DLG2: variants seen among roughly 807,000 people sequenced by gnomAD.
The protein encoded by DLG2 is discs large MAGUK scaffold protein 2, also known as disks large homolog 2.
Under a neutral mutation model 132.5 loss-of-function variants are expected in DLG2, and 45 were observed. The ratio of observed to expected loss-of-function variants is 0.34; its 90% CI spans 0.27 to 0.44. The LOEUF is 0.44. DLG2 is among the 20% of genes least tolerant of loss of function. The probability of loss-of-function intolerance (pLI) is 1.00; values close to 1 mark genes in which losing one functional copy is unlikely to be tolerated. For missense variants in DLG2, 1,045 were observed against 1,196.9 expected, an observed-to-expected ratio of 0.87 and a Z score of 1.87; for synonymous variants, 424 against 419.6, an observed-to-expected ratio of 1.01 and a Z score of -0.13.
chr11:84,731,400 G>T (rs906804624), intron 6 of DLG2, among the ~76,000 whole-genome samples: 1 of 151,962 alleles, frequency 6.6e-6, no homozygotes, highest in African/African-American at 2.4e-5. Flanking sequence ...TAAGTGCTTC[G>T]AGGAGAGCTA....
chr11:83,600,000 G>T (rs1429315905), intron 19 of DLG2, among the ~76,000 whole-genome samples: 3 of 152,124 alleles, frequency 2.0e-5, no homozygotes, highest in African/African-American at 7.2e-5. Flanking sequence ...TAGATAAATT[G>T]CCTACAGATA....
chr11:85,131,922 A>C (rs1381581253), intron 5 of DLG2, among the ~76,000 whole-genome samples: 1 of 152,144 alleles, frequency 6.6e-6, no homozygotes, highest in African/African-American at 2.4e-5. Flanking sequence ...GATATGGTTC[A>C]AATTAACTCA....
intron 21 of DLG2, among the ~76,000 whole-genome samples, chr11:83,513,339 T>A (rs1267402810): frequency 6.6e-6 from 1 of 152,220 alleles, no homozygotes; most frequent in Admixed American, 6.5e-5. Flanking sequence ...TTGAGAAGTG[T>A]CTGTTCATAT....
intron 3 of DLG2, among the ~76,000 whole-genome samples, chr11:85,510,642 C>A (rs1254175866): frequency 1.3e-5 from 2 of 152,146 alleles, no homozygotes; most frequent in African/African-American, 4.8e-5. Flanking sequence ...CACTGGCCAT[C>A]AGAGAAATGC....
chr11:85,473,472 C>T (rs2093048150), intron 3 of DLG2, among the ~76,000 whole-genome samples: 1 of 152,094 alleles, frequency 6.6e-6, no homozygotes, highest in Admixed American at 6.5e-5. Flanking sequence ...TTTAAAAGAA[C>T]TATATTTTTT....
intron 3 of DLG2, among the ~76,000 whole-genome samples, chr11:85,355,854 T>C (rs1032463413): frequency 2.0e-5 from 3 of 152,106 alleles, no homozygotes; most frequent in African/African-American, 7.2e-5. Flanking sequence ...CACCCTTGGG[T>C]TTCCTCTAAA....
chr11:84,568,246 C>T (rs1187521255), intron 6 of DLG2, among the ~76,000 whole-genome samples: 8 of 152,170 alleles, frequency 5.3e-5, no homozygotes, highest in South Asian at 2.1e-4. Context: ...CGTTGGCTCA[C>T]GCCTGTAATC....
At chr11:85,543,072 G>T (rs1195957965) in intron 3 of DLG2, among the ~76,000 whole-genome samples, 9 of 151,930 alleles carry the variant, frequency 5.9e-5, no homozygotes, top group Admixed American at 3.3e-4. Flanking sequence ...TGTGCCATGG[G>T]GGTTTGCTGC....
chr11:85,595,514 G>C (rs540217198), intron 3 of DLG2, among the ~76,000 whole-genome samples: 2 of 152,204 alleles, frequency 1.3e-5, no homozygotes, highest in African/African-American at 4.8e-5. Context: ...GCAGCATCTA[G>C]CATATTGCTG....
At chr11:83,690,277 A>T (rs1031380040) in intron 18 of DLG2, among the ~76,000 whole-genome samples, 160 of 151,468 alleles carry the variant, frequency 1.1e-3, no homozygotes, top group African/African-American at 3.7e-3. Flanking sequence ...ACCCAGAAGC[A>T]CAGACCAAGC....
At chr11:83,884,273 G>A (rs577380360) in intron 15 of DLG2, among the ~76,000 whole-genome samples, 10 of 152,306 alleles carry the variant, frequency 6.6e-5, no homozygotes, top group South Asian at 4.1e-4. Context: ...CTTAAAAAAC[G>A]GCGCACCAGG....
chr11:84,487,270 C>A (rs2099153482), intron 7 of DLG2, among the ~76,000 whole-genome samples: 1 of 151,978 alleles, frequency 6.6e-6, no homozygotes, highest in Admixed American at 6.6e-5. Context: ...TCAAGATAAA[C>A]CATAAACTCA....
At chr11:83,528,641 A>T (rs1453801223) in intron 21 of DLG2, among the ~76,000 whole-genome samples, 1 of 152,174 alleles carries the variant, frequency 6.6e-6, no homozygotes, top group Non-Finnish European at 1.5e-5. Flanking sequence ...AGTAATGGAA[A>T]GGGCAGGCTT....
At chr11:84,493,556 G>C (rs909140883) in intron 7 of DLG2, among the ~76,000 whole-genome samples, 2 of 152,014 alleles carry the variant, frequency 1.3e-5, no homozygotes, top group African/African-American at 4.8e-5. Flanking sequence ...GTAGTAGTCA[G>C]AAAAATGACC....
At chr11:85,343,035 T>A (rs1476043797) in intron 3 of DLG2, among the ~76,000 whole-genome samples, 5 of 128,864 alleles carry the variant, frequency 3.9e-5, no homozygotes. Context: ...TAATGTGAGT[T>A]TTTTCATTAC....
chr11:84,039,994 G>A (rs2096013532), intron 11 of DLG2, among the ~76,000 whole-genome samples: 1 of 150,318 alleles, frequency 6.7e-6, no homozygotes, highest in Non-Finnish European at 1.5e-5. Context: ...TTTTTCATGT[G>A]TTCTTTGGCT....
At chr11:84,054,339 T>G (rs1010893330) in intron 11 of DLG2, among the ~76,000 whole-genome samples, 1 of 152,032 alleles carries the variant, frequency 6.6e-6, no homozygotes, top group Admixed American at 6.6e-5. Context: ...ATCTATTTCC[T>G]GGAAACCCAC....
chr11:84,621,388 T>A (rs992033597), intron 6 of DLG2, among the ~76,000 whole-genome samples: 1 of 152,124 alleles, frequency 6.6e-6, no homozygotes, highest in Non-Finnish European at 1.5e-5. Context: ...TATGGTGTTT[T>A]TAAAAAGATA....
intron 7 of DLG2, among the ~76,000 whole-genome samples, chr11:84,521,182 G>A (rs371391394): frequency 3.3e-5 from 5 of 152,204 alleles, no homozygotes; most frequent in Admixed American, 1.3e-4. Flanking sequence ...GAGAGAGGTT[G>A]GTCTAGCGTC....
Sources: allele counts gnomAD v4.1 joint callset (sites outside exome capture counted in the v4.1 genomes callset), GRCh38; gene constraint gnomAD v4.1.1; transcripts MANE v1.5; gene names NCBI Gene and HGNC (gene_info 2026-07-23, HGNC 2026-07-21).